The following EPHX1 variants were observed in gnomAD, a reference collection of about 807,000 sequenced individuals.
EPHX1 encodes epoxide hydratase.
In EPHX1, 40 loss-of-function variants were observed where a neutral mutation model predicts 43.2. The ratio of observed to expected loss-of-function variants is 0.93; its 90% confidence interval spans 0.72 to 1.21. EPHX1 has a LOEUF of 1.21. EPHX1 is among the 50% of genes most tolerant of loss of function. The pLI is 0.00. For missense variants in EPHX1, 550 were observed against 570.4 expected, an observed-to-expected ratio of 0.96 and a Z score of 0.36; for synonymous variants, 221 against 226.7, an observed-to-expected ratio of 0.98 and a Z score of 0.22.
At chr1:225,839,763 ATC>A in intron 5 of EPHX1, 64 bp from the exon 6 acceptor site, 1 of 1,534,094 alleles carries the variant, frequency 6.5e-7, no homozygotes, top group South Asian at 1.1e-5. Context: ...TTCCTCCGCC[ATC>A]TCTCCTCTCT....
intron 1 of EPHX1, among the ~76,000 whole-genome samples, chr1:225,826,474 A>G (rs1667247503): frequency 6.7e-6 from 1 of 149,748 alleles, no homozygotes; most frequent in Non-Finnish European, 1.5e-5. Context: ...AAAAAAGGGA[A>G]AGCAATGGCC....
At chr1:225,819,183 C>T (rs12068965) in intron 1 of EPHX1, among the ~76,000 whole-genome samples, 1 of 29,278 alleles carries the variant, frequency 3.4e-5, no homozygotes, top group African/African-American at 1.1e-4. Context: ...GCCGAGATTG[C>T]GCCACTGCAC....
rs752988508 is a variant in EPHX1 at position 225,838,703 on chromosome 1, C to A, written c.414C>A (p.Gly138=). The change falls in exon 4 of 9, where the codon GGC becomes GGA. Residue 138 remains glycine (G), a synonymous_variant. Coordinates refer to ENST00000272167, the MANE Select transcript of EPHX1 (RefSeq NM_001136018.4). The part of the protein sequence containing the change: ...IHVKPPQLPA[G]HTPKPLLMVH... ...TGAAGCCCCCCCAGCTGCCCGCAGG[C>A]CATACCCCGAAGCCCTTGCTGATGG... The A allele has an allele frequency of 5.6e-6, 9 of 1,614,050 alleles. No homozygotes were observed. The South Asian group carries it at 9.9e-5, about 18-fold the overall frequency.
At chr1:225,836,174 C>T (rs10915884) in intron 3 of EPHX1, among the ~76,000 whole-genome samples, 25,323 of 152,196 alleles carry the variant, frequency 0.17, 2,479 homozygotes, top group East Asian at 0.3. Context: ...AGAGACATGA[C>T]AGCTCAGTGG....
chr1:225,826,447 C>CAATAAAAAAAA (rs1667241358), intron 1 of EPHX1, among the ~76,000 whole-genome samples: 1 of 84,174 alleles, frequency 1.2e-5, no homozygotes. Context: ...GACTCTGTCT[C>CAATAAAAAAAA]AAAAAAAAAA....
intron 7 of EPHX1, among the ~76,000 whole-genome samples, chr1:225,843,245 CAGG>C (rs1468421827): frequency 1.3e-5 from 2 of 152,098 alleles, no homozygotes; most frequent in African/African-American, 4.8e-5. Flanking sequence ...GGGAAATGAC[CAGG>C]AGAATGTATC....
intron 3 of EPHX1, among the ~76,000 whole-genome samples, chr1:225,835,119 A>G (rs1667878564): frequency 6.6e-6 from 1 of 152,076 alleles, no homozygotes; most frequent in Admixed American, 6.6e-5. Flanking sequence ...AGAAAGGGGA[A>G]CAGCATGTTC....
intron 1 of EPHX1, among the ~76,000 whole-genome samples, chr1:225,828,183 A>C (rs887253236): frequency 1.3e-5 from 2 of 152,114 alleles, no homozygotes; most frequent in African/African-American, 4.8e-5. Context: ...ATCTCTACTA[A>C]AAATACAAAA....
At chr1:225,830,802 TC>T (rs910075587) in intron 2 of EPHX1, among the ~76,000 whole-genome samples, 2 of 152,126 alleles carry the variant, frequency 1.3e-5, no homozygotes, top group Non-Finnish European at 2.9e-5. Context: ...TTATAATGTA[TC>T]ATTCAATGTT....
chr1:225,818,825 C>T (rs1666846098), intron 1 of EPHX1, among the ~76,000 whole-genome samples: 1 of 150,648 alleles, frequency 6.6e-6, no homozygotes, highest in African/African-American at 2.4e-5. Flanking sequence ...TGGCCTGGCT[C>T]ATGCCTGTAA....
chr1:225,845,478 C>T lies in EPHX1; in HGVS notation c.*131C>T. ...CCCATGCTGGGAGCCCACGCTCACC[C>T]CCTCACCCCTCCAAGCTCACTCCCC... On this transcript the variant is annotated 3_prime_UTR_variant, in exon 9 of 9. Transcript: ENST00000272167. The T allele has an allele frequency of 1.1e-6, 1 of 878,620 alleles. No individual in the cohort carries two copies. The highest frequency in any genetic ancestry group is 2.6e-5 in the East Asian group (1 of 37,806). 54.4% of individuals were successfully genotyped at this position (878,620 alleles called of 1,614,324 possible). A position where few individuals can be genotyped will look rare whatever the true frequency, so the allele number is the denominator to read the frequency against.
At chr1:225,840,465 C>T (rs1407982403) in intron 6 of EPHX1, among the ~76,000 whole-genome samples, 2 of 152,024 alleles carry the variant, frequency 1.3e-5, no homozygotes, top group African/African-American at 4.8e-5. Context: ...ATGTCTGCCA[C>T]CAGGGTCCTG....
intron 2 of EPHX1, 65 bp downstream of exon 2, chr1:225,828,977 G>C (rs1667423303): frequency 9.1e-6 from 14 of 1,539,468 alleles, no homozygotes; most frequent in Admixed American, 2.0e-5. Context: ...GACAGGGGTT[G>C]GGTCTTAGGC....
At chr1:225,813,184 T>C (rs1666565977) in intron 1 of EPHX1, among the ~76,000 whole-genome samples, 1 of 152,210 alleles carries the variant, frequency 6.6e-6, no homozygotes, top group African/African-American at 2.4e-5. Context: ...CTGTAGCCTC[T>C]GCTGGGTCCA....
Position 225,845,414 on chromosome 1 carries a change from TA to T in EPHX1, c.*68del. ...CCCTCCAGGCTTTTCTTGGGGAAGA[TA>T]CCCCTTTTCTGAGGAATGAGTTTGC... On this transcript the variant is annotated 3_prime_UTR_variant, in exon 9 of 9. Transcript: ENST00000272167. 6.7e-7 allele frequency: 1 copy of T among 1,485,684 alleles called. No individual in the cohort carries two copies. The highest frequency in any genetic ancestry group is 2.5e-5 in the East Asian group (1 of 40,116). The allele number at this position is 1,485,684 out of a possible 1,614,324, so 92.0% of individuals were successfully genotyped here.
intron 1 of EPHX1, among the ~76,000 whole-genome samples, chr1:225,820,985 A>G (rs911412028): frequency 1.8e-4 from 28 of 152,144 alleles, no homozygotes; most frequent in Non-Finnish European, 3.4e-4. Context: ...GTCCAAAAAC[A>G]TGTTTATACT....
At chr1:225,842,734 C>A (rs186565643) in intron 7 of EPHX1, among the ~76,000 whole-genome samples, 31 of 152,344 alleles carry the variant, frequency 2.0e-4, no homozygotes, top group African/African-American at 7.2e-4. Context: ...GCTGAACAGG[C>A]CCCTCTGGGG....
chr1:225,836,223 A>G (rs1173775404), intron 3 of EPHX1, among the ~76,000 whole-genome samples: 4 of 152,164 alleles, frequency 2.6e-5, no homozygotes, highest in Admixed American at 6.5e-5. Context: ...CAGAAAATGG[A>G]TATCAGGGGA....
rs1355018747 is a variant in EPHX1 at position 225,838,675 on chromosome 1, A to G, written c.386A>G (p.His129Arg). Residue 129 changes from histidine (H) to arginine (R), a missense_variant, in exon 4 of 9, where the codon CAC (histidine) becomes CGC (arginine). By Grantham distance (29) the His-to-Arg change is conservative. Transcript: ENST00000272167. ...CCAGGGCTGGACATCCACTTCATCC[A>G]CGTGAAGCCCCCCCAGCTGCCCGCA... The part of the protein sequence containing the change: ...KIEGLDIHFI[H>R]VKPPQLPAGH... 6.2e-7 allele frequency: 1 copy of G among 1,613,768 alleles called. No homozygotes were observed. Among genetic ancestry groups the G allele is most frequent in the Non-Finnish European group, 8.5e-7 (1 of 1,179,914 alleles).
Sources: allele counts gnomAD v4.1 joint callset (sites outside exome capture counted in the v4.1 genomes callset), GRCh38; gene constraint gnomAD v4.1.1; transcripts MANE v1.5; gene names NCBI Gene and HGNC (gene_info 2026-07-23, HGNC 2026-07-21).